ZNF704: variants seen among roughly 807,000 people sequenced by gnomAD.
The protein encoded by ZNF704 is glucocorticoid induced gene 1.
A neutral mutation model predicts 44.7 loss-of-function variants in ZNF704; 10 were observed. The observed-to-expected ratio is 0.22, with a 90% CI of 0.14 to 0.38. The LOEUF (loss-of-function observed/expected upper bound fraction) is 0.38, where lower values mean the gene tolerates loss of function less well. Ranked by LOEUF, ZNF704 falls within the 10% of genes least tolerant of loss-of-function variation. ZNF704 has a pLI of 1.00. For synonymous variants in ZNF704, 211 were observed against 207.6 expected (o/e 1.02, Z -0.14); for missense variants, 390 against 545.5 (o/e 0.71, Z 2.84).
At position 80,636,277 on chromosome 8, in the gene ZNF704, T is replaced by C. The variant is rs181698903; in HGVS notation, c.*5089A>G. ...ACAACAAAAGTTATAAAACATGAGA[T>C]TGTCTTCAAAAAAAGGAACTATTTA... is the stretch of plus-strand genomic sequence containing the variant. On this transcript the variant is annotated 3_prime_UTR_variant, in exon 9 of 9. Transcript: ENST00000327835. 5.3e-5 allele frequency: 8 copies of C among 152,282 alleles called. No homozygotes were observed. The highest frequency in any genetic ancestry group is 1.4e-4 in the African/African-American group (6 of 41,560). 9.4% of individuals were successfully genotyped at this position (152,282 alleles called of 1,614,324 possible).
chr8:80,863,132 T>C (rs1014647718), intron 1 of ZNF704, among the ~76,000 whole-genome samples: 9 of 152,258 alleles, frequency 5.9e-5, no homozygotes, highest in African/African-American at 2.2e-4. Context: ...TTTATTTTTA[T>C]AAATTCTAAG....
chr8:80,637,682 G>C lies in ZNF704; in HGVS notation c.*3684C>G, dbSNP rs1017294255. 3 of 152,076 alleles carry C rather than the reference G, an allele frequency of 2.0e-5. No homozygotes were observed. The highest frequency in any genetic ancestry group is 4.4e-5 in the Non-Finnish European group (3 of 67,988). 9.4% of individuals were successfully genotyped at this position (152,076 alleles called of 1,614,324 possible). The stretch of plus-strand genomic sequence containing the variant: ...TATTGAAAATTTTCATCTGCAATAT[G>C]GTTATGTTCGGGCAGGAATTGTCTA... On this transcript the variant is annotated 3_prime_UTR_variant, in exon 9 of 9. Coordinates refer to ENST00000327835, the MANE Select transcript of ZNF704 (RefSeq NM_001033723.3).
chr8:80,706,402 T>TCTG (rs1818899921), intron 2 of ZNF704, among the ~76,000 whole-genome samples: 1 of 152,270 alleles, frequency 6.6e-6, no homozygotes, highest in African/African-American at 2.4e-5. Context: ...ACTTCTTATT[T>TCTG]CTGCTGCTTC....
intron 7 of ZNF704, among the ~76,000 whole-genome samples, chr8:80,649,391 G>A (rs1212319614): frequency 5.3e-5 from 8 of 152,314 alleles, no homozygotes; most frequent in Non-Finnish European, 5.9e-5. Flanking sequence ...GAAGCGCAAG[G>A]GCTCAGGGAA....
At chr8:80,815,015 C>T (rs888848698) in intron 2 of ZNF704, among the ~76,000 whole-genome samples, 13 of 152,172 alleles carry the variant, frequency 8.5e-5, no homozygotes, top group Non-Finnish European at 1.8e-4. Context: ...AGTTTCCCAT[C>T]GTATTTATAG....
At chr8:80,792,062 G>A (rs1008776199) in intron 2 of ZNF704, among the ~76,000 whole-genome samples, 1 of 152,164 alleles carries the variant, frequency 6.6e-6, no homozygotes. Flanking sequence ...ATCTGATGTG[G>A]AGGTAGGAAA....
chr8:80,825,502 T>C (rs1448173969), intron 1 of ZNF704, among the ~76,000 whole-genome samples: 2 of 152,190 alleles, frequency 1.3e-5, no homozygotes, highest in Non-Finnish European at 2.9e-5. Context: ...CCACTGTCAA[T>C]GTTAGACAGA....
rs147187528 is a variant in ZNF704, at chr8:80,782,635, A to G, written c.221+38739T>C. Among the ~76,000 whole-genome samples the G allele has an allele frequency of 2.4e-4, 37 of 152,270 alleles. No homozygotes were observed. The East Asian group carries it at 7.2e-3, about 29-fold the overall frequency. ...ACAATAGTAGGAATGGTATTTAGTA[A>G]TGGGAGTGTAACCAGAAGAGGAGGA... On this transcript the variant is annotated intron_variant, in intron 2 of 8. Transcript: ENST00000327835.
intron 7 of ZNF704, among the ~76,000 whole-genome samples, chr8:80,646,042 A>G (rs1260210703): frequency 6.6e-6 from 1 of 152,206 alleles, no homozygotes; most frequent in Non-Finnish European, 1.5e-5. Flanking sequence ...GTGATGATGC[A>G]GCATAAAGGC....
intron 2 of ZNF704, among the ~76,000 whole-genome samples, chr8:80,811,880 C>T (rs1328034157): frequency 1.3e-5 from 2 of 152,198 alleles, no homozygotes; most frequent in Non-Finnish European, 2.9e-5. Flanking sequence ...AGTTCTGCCT[C>T]CTGTCAGATC....
intron 1 of ZNF704, among the ~76,000 whole-genome samples, chr8:80,848,020 C>G (rs1474797785): frequency 1.3e-5 from 2 of 152,170 alleles, no homozygotes; most frequent in Non-Finnish European, 2.9e-5. Flanking sequence ...CCCCAACCCA[C>G]ATGTCCTTCA....
chr8:80,798,554 C>T (rs566026732), intron 2 of ZNF704, among the ~76,000 whole-genome samples: 5 of 152,112 alleles, frequency 3.3e-5, no homozygotes, highest in South Asian at 2.1e-4. Context: ...GATGCCCGGC[C>T]CTGGTGTCCA....
At chr8:80,732,068 C>T (rs1806591137) in intron 2 of ZNF704, among the ~76,000 whole-genome samples, 1 of 152,140 alleles carries the variant, frequency 6.6e-6, no homozygotes, top group Non-Finnish European at 1.5e-5. Context: ...TCTGGTTTTG[C>T]ACTATTTCAC....
chr8:80,871,988 T>C (rs1809261151), intron 1 of ZNF704, among the ~76,000 whole-genome samples: 1 of 152,256 alleles, frequency 6.6e-6, no homozygotes, highest in African/African-American at 2.4e-5. Context: ...TTTTACGGAT[T>C]TGATTTTTTC....
intron 4 of ZNF704, among the ~76,000 whole-genome samples, chr8:80,673,931 C>T (rs1461726517): frequency 1.3e-5 from 2 of 152,240 alleles, no homozygotes; most frequent in Non-Finnish European, 2.9e-5. Context: ...CCAGCATTCA[C>T]AGCACAGCAA....
At position 80,874,060 on chromosome 8, in the gene ZNF704, T is replaced by C. The variant is rs1008379168; in HGVS notation, c.-22+511A>G. 4.8e-5 allele frequency among the ~76,000 whole-genome samples: 7 copies of C among 146,742 alleles called. No homozygotes were observed. The East Asian group carries it at 1.4e-3, about 29-fold the overall frequency. ...GCGCCTGCATGCCTGAGCGCGGGGT[T>C]GCGGGCCGCGGCGCGGGGCCGGAGA... On this transcript the variant is annotated intron_variant, in intron 1 of 8. Transcript: ENST00000327835. The surrounding 1 kb of genome is among the most constrained non-coding windows in gnomAD (Gnocchi z 4.4).
At chr8:80,685,388 C>A (rs1490316970) in intron 4 of ZNF704, among the ~76,000 whole-genome samples, 1 of 152,072 alleles carries the variant, frequency 6.6e-6, no homozygotes, top group Non-Finnish European at 1.5e-5. Context: ...GTCCTTGTCA[C>A]AACCCTGGGC....
rs979729417 is a variant in ZNF704 at position 80,641,009 on chromosome 8, T to G, written c.*357A>C. 1.8e-5 allele frequency: 3 copies of G among 163,808 alleles called. No homozygotes were observed. Among genetic ancestry groups the G allele is most frequent in the Non-Finnish European group, 2.6e-5 (2 of 75,534 alleles). 10.1% of individuals were successfully genotyped at this position (163,808 alleles called of 1,614,324 possible). A position where few individuals can be genotyped will look rare whatever the true frequency, so the allele number is the denominator to read the frequency against. Reference sequence around the variant, plus strand: ...TTGAAAATGGCATAATTCAGAAAGCTTATCAAAATATGCCTCCTTTCTAGG... The same window carrying G: ...TTGAAAATGGCATAATTCAGAAAGCGTATCAAAATATGCCTCCTTTCTAGG... On this transcript the variant is annotated 3_prime_UTR_variant, in exon 9 of 9. Coordinates refer to ENST00000327835, the MANE Select transcript of ZNF704 (RefSeq NM_001033723.3).
intron 2 of ZNF704, among the ~76,000 whole-genome samples, chr8:80,771,849 G>C (rs1807325748): frequency 6.6e-6 from 1 of 152,134 alleles, no homozygotes; most frequent in South Asian, 2.1e-4. Flanking sequence ...ATCAGGTTTA[G>C]GAAGTTCCTT....
Sources: gnomAD v4.1 joint callset for allele counts (sites outside exome capture counted in the v4.1 genomes callset) on GRCh38, gnomAD v4.1.1 for gene constraint, Gnocchi (gnomAD v3.1) non-coding constraint, MANE v1.5 for transcripts, NCBI Gene and HGNC (gene_info 2026-07-23, HGNC 2026-07-21) for gene names.